The following CENPE variants were observed in gnomAD, a reference collection of about 807,000 sequenced individuals.
CENPE encodes centromere-associated protein E.
A neutral mutation model predicts 336.1 loss-of-function variants in CENPE; 145 were observed. That is an observed-to-expected ratio of 0.43 (90% confidence interval 0.38 to 0.50). The LOEUF (loss-of-function observed/expected upper bound fraction) is 0.50. CENPE is among the 20% of genes least tolerant of loss of function. The pLI is 0.00. For missense variants in CENPE, 2,719 were observed against 3,023.3 expected, an observed-to-expected ratio of 0.90 and a Z score of 2.36; for synonymous variants, 1,013 against 984.8, an observed-to-expected ratio of 1.03 and a Z score of -0.54.
rs1193790396 is a variant in CENPE at position 103,111,020 on chromosome 4, G to A, written c.7541-9C>T. On this transcript the variant is annotated splice_polypyrimidine_tract_variant and intron_variant, in intron 46 of 48. Transcript: ENST00000265148. ...AGTATGTTCTGATATCACTGTGGGA[G>A]GAAAATATACAAATAGGTGATAATT... 1 of 1,541,394 alleles carries A rather than the reference G, an allele frequency of 6.5e-7. No homozygotes were observed. Among genetic ancestry groups the A allele is most frequent in the Non-Finnish European group, 8.7e-7 (1 of 1,143,794 alleles).
At chr4:103,146,485 G>A (rs1429879345) in intron 29 of CENPE, among the ~76,000 whole-genome samples, 1 of 152,166 alleles carries the variant, frequency 6.6e-6, no homozygotes, top group Non-Finnish European at 1.5e-5. Flanking sequence ...GATTCCTAGA[G>A]GAGAAAGCTT....
chr4:103,114,054 ATTTAT>A (rs1247509778), intron 46 of CENPE, among the ~76,000 whole-genome samples: 1 of 152,106 alleles, frequency 6.6e-6, no homozygotes, highest in Non-Finnish European at 1.5e-5. Flanking sequence ...ACAGAATAGT[ATTTAT>A]TTTTACTGTA....
intron 11 of CENPE, among the ~76,000 whole-genome samples, chr4:103,182,457 T>G (rs1756402125): frequency 6.6e-6 from 1 of 152,186 alleles, no homozygotes; most frequent in South Asian, 2.1e-4. Context: ...GTAATAATAG[T>G]TTCCCATTGA....
chr4:103,150,204 G>C (rs1344198696), intron 26 of CENPE, among the ~76,000 whole-genome samples: 2 of 152,068 alleles, frequency 1.3e-5, no homozygotes, highest in African/African-American at 4.8e-5. Context: ...CTTTTTTATA[G>C]GAGTATGAAA....
intron 40 of CENPE, 74 bp downstream of exon 40, chr4:103,136,067 C>A: frequency 8.0e-7 from 1 of 1,250,846 alleles, no homozygotes; most frequent in Admixed American, 2.1e-5. Flanking sequence ...TATGCCGGCA[C>A]CTGAAGCAGG....
intron 34 of CENPE, among the ~76,000 whole-genome samples, chr4:103,142,690 T>C (rs1024698022): frequency 1.3e-4 from 20 of 152,118 alleles, no homozygotes; most frequent in African/African-American, 4.1e-4. Flanking sequence ...GTTTGATACA[T>C]AGTTTCCCTA....
intron 8 of CENPE, 38 bp downstream of exon 8, chr4:103,194,191 G>C (rs775814351): frequency 3.2e-5 from 49 of 1,510,878 alleles, no homozygotes; most frequent in Non-Finnish European, 3.3e-5. Context: ...TTTTGTTTTG[G>C]CCCATACAGT....
chr4:103,145,991 T>G lies in CENPE; in HGVS notation c.4251A>C (p.Leu1417=). Residue 1417 remains leucine, a synonymous_variant, in exon 30 of 49, where the codon CTA becomes CTC. Transcript: ENST00000265148. ...ATCCGAGCATTTCTATTTCTATCCTTAGTAGTGCTGAATCTTTGGGTTTGA... is the reference window on the plus strand; with the variant it reads ...ATCCGAGCATTTCTATTTCTATCCTGAGTAGTGCTGAATCTTTGGGTTTGA... ...EQFKPKDSAL[L]RIEIEMLGLS... 1.2e-6 allele frequency: 2 copies of G among 1,613,980 alleles called. No individual in the cohort carries two copies. The highest frequency in any genetic ancestry group is 1.7e-6 in the Non-Finnish European group (2 of 1,179,930).
intron 16 of CENPE, among the ~76,000 whole-genome samples, chr4:103,172,589 G>A (rs1317155277): frequency 6.6e-6 from 1 of 152,008 alleles, no homozygotes; most frequent in Non-Finnish European, 1.5e-5. Context: ...AGTACAGGAA[G>A]TTCTAGCTAG....
chr4:103,109,140 G>A, intron 47 of CENPE, 51 bp from the exon 48 acceptor site: 1 of 1,382,404 alleles, frequency 7.2e-7, no homozygotes, highest in Non-Finnish European at 9.9e-7. Flanking sequence ...TGATTCTTAA[G>A]ATGTATTCAC....
At chr4:103,182,922 A>G in intron 10 of CENPE, 31 bp from the exon 11 acceptor site, 1 of 1,598,100 alleles carries the variant, frequency 6.3e-7, no homozygotes, top group Non-Finnish European at 8.5e-7. Flanking sequence ...CAGGAGAAAA[A>G]GATTGAGAAC....
intron 13 of CENPE, among the ~76,000 whole-genome samples, chr4:103,178,516 A>G (rs1311477549): frequency 1.3e-5 from 2 of 152,158 alleles, no homozygotes; most frequent in Non-Finnish European, 2.9e-5. Context: ...CCAATTCAAG[A>G]GGTATTTCTC....
intron 42 of CENPE, among the ~76,000 whole-genome samples, chr4:103,128,110 G>C (rs1432405495): frequency 1.3e-5 from 2 of 152,108 alleles, no homozygotes; most frequent in Non-Finnish European, 2.9e-5. Context: ...AGTCAAAAGA[G>C]ATGAAGTAGT....
Position 103,159,335 on chromosome 4 carries a change from G to C in CENPE, c.2287-11C>G, listed in dbSNP as rs1373131941. 3 of 1,370,618 alleles carry C rather than the reference G, an allele frequency of 2.2e-6. No homozygotes were observed. The South Asian group carries it at 5.1e-5, about 23-fold the overall frequency. The allele number at this position is 1,370,618 out of a possible 1,614,324, so 84.9% of individuals were successfully genotyped here. A position where few individuals can be genotyped will look rare whatever the true frequency, so the allele number is the denominator to read the frequency against. On this transcript the variant is annotated splice_polypyrimidine_tract_variant and intron_variant, in intron 21 of 48. Coordinates refer to ENST00000265148, the MANE Select transcript of CENPE (RefSeq NM_001813.3). The stretch of plus-strand genomic sequence containing the variant: ...AGATTTGTCTTGTATCTATGGAAAA[G>C]AAATAAAATTTAGGGATGTTAGCAA...
At chr4:103,106,974 C>T (rs1341284605) in intron 48 of CENPE, among the ~76,000 whole-genome samples, 2 of 152,020 alleles carry the variant, frequency 1.3e-5, no homozygotes, top group African/African-American at 4.8e-5. Context: ...TTTTATTTAT[C>T]TAAAAACAGT....
chr4:103,149,541 G>T, intron 26 of CENPE, 133 bp from the exon 27 acceptor site: 1 of 769,658 alleles, frequency 1.3e-6, no homozygotes, highest in Non-Finnish European at 2.0e-6. Flanking sequence ...AAACTCACAG[G>T]CATAAATGTC....
chr4:103,184,625 T>C lies in CENPE; in HGVS notation c.745+1185A>G, dbSNP rs577865569. On this transcript the variant is annotated intron_variant, in intron 9 of 48. Transcript: ENST00000265148. ...TTACAAATTTGAAGGACCATCTTTA[T>C]TGTATTCTAACTTCTGTATGTATTT... is the stretch of plus-strand genomic sequence containing the variant. Among the ~76,000 whole-genome samples, 191 of 152,298 alleles carry C rather than the reference T, an allele frequency of 1.3e-3. 1 individual carries two copies. Among genetic ancestry groups the C allele is most frequent in the Admixed American group, 2.4e-3 (37 of 15,290 alleles).
At position 103,159,181 on chromosome 4, in the gene CENPE, C is replaced by A. The variant is rs757544155; in HGVS notation, c.2430G>T (p.Ser810=). 8 of 1,612,594 alleles carry A rather than the reference C, an allele frequency of 5.0e-6. No individual in the cohort carries two copies. Among genetic ancestry groups the A allele is most frequent in the South Asian group, 2.2e-5 (2 of 90,924 alleles). The stretch of plus-strand genomic sequence containing the variant: ...ATTCTTGATCAGTGCTTTTATAATT[C>A]GACTGTGTAGTTGCTAGGTCATCTT... ...KTKDDLATTQ[S]NYKSTDQEFQ... The change falls in exon 22 of 49, where the codon TCG becomes TCT. Residue 810 remains serine, a synonymous_variant. Transcript: ENST00000265148.
chr4:103,190,453 C>A (rs1363054803), intron 8 of CENPE, among the ~76,000 whole-genome samples: 1 of 152,206 alleles, frequency 6.6e-6, no homozygotes, highest in South Asian at 2.1e-4. Flanking sequence ...AGATATAGAC[C>A]AATGGAAAGG....
Sources: allele counts gnomAD v4.1 joint callset (sites outside exome capture counted in the v4.1 genomes callset), GRCh38; gene constraint gnomAD v4.1.1; transcripts MANE v1.5; gene names NCBI Gene and HGNC (gene_info 2026-07-23, HGNC 2026-07-21).